Variants in ARHGAP24 observed in about 807,000 individuals in gnomAD.
The protein encoded by ARHGAP24 is Rho GTPase activating protein 24.
Under a neutral mutation model 76.4 loss-of-function variants are expected in ARHGAP24, and 50 were observed. The observed-to-expected ratio is 0.65, with a 90% confidence interval of 0.52 to 0.83. The LOEUF is 0.83. Among genes scored for constraint, ARHGAP24 ranks in the 40% least tolerant of loss-of-function variants. The pLI, the probability that ARHGAP24 is intolerant of heterozygous loss-of-function variation, is 0.00. For synonymous variants in ARHGAP24, 345 were observed against 323.3 expected (o/e 1.07, Z -0.72); for missense variants, 930 against 914.2 (o/e 1.02, Z -0.22).
intron 2 of ARHGAP24, among the ~76,000 whole-genome samples, chr4:85,667,597 C>T (rs942306235): frequency 5.3e-5 from 8 of 152,228 alleles, no homozygotes; most frequent in Admixed American, 1.3e-4. Flanking sequence ...GCGTCGCTCA[C>T]GCTGGGAGCT....
At position 85,881,616 on chromosome 4, in the gene ARHGAP24, A is replaced by G. The variant is rs1049345426; in HGVS notation, c.269-42032A>G. On this transcript the variant is annotated intron_variant, in intron 3 of 9. Coordinates refer to ENST00000395184, the MANE Select transcript of ARHGAP24 (RefSeq NM_001025616.3). Reference sequence around the variant, plus strand: ...GTTAGCGATGCTTGTCATGCTTTCAAATTGTGAAGCATATTTTTGTTATCT... The same window carrying G: ...GTTAGCGATGCTTGTCATGCTTTCAGATTGTGAAGCATATTTTTGTTATCT... Among the ~76,000 whole-genome samples, 9 of 136,410 alleles carry G rather than the reference A, an allele frequency of 6.6e-5. No homozygotes were observed. In the Admixed American group the frequency reaches 7.1e-4, roughly 11 times the overall value. 89.5% of individuals were successfully genotyped at this position (136,410 alleles called of 152,430 possible).
chr4:85,671,375 A>G (rs1009164421), intron 2 of ARHGAP24, among the ~76,000 whole-genome samples: 2 of 152,134 alleles, frequency 1.3e-5, no homozygotes, highest in South Asian at 2.1e-4. Flanking sequence ...TAATTATCAT[A>G]TATTTGTTGG....
intron 3 of ARHGAP24, among the ~76,000 whole-genome samples, chr4:85,857,296 A>C: frequency 6.6e-6 from 1 of 152,216 alleles, no homozygotes; most frequent in Non-Finnish European, 1.5e-5. Flanking sequence ...ATTTATTTAC[A>C]CTTTACAAAC....
At chr4:85,987,004 C>T (rs1740045961) in intron 8 of ARHGAP24, among the ~76,000 whole-genome samples, 1 of 151,976 alleles carries the variant, frequency 6.6e-6, no homozygotes, top group Non-Finnish European at 1.5e-5. Context: ...TGAAACTATT[C>T]GGTATGATGC....
chr4:85,850,019 A>C (rs1731128539), intron 3 of ARHGAP24, among the ~76,000 whole-genome samples: 1 of 152,194 alleles, frequency 6.6e-6, no homozygotes, highest in Non-Finnish European at 1.5e-5. Flanking sequence ...TTTCAGAAGA[A>C]ATGGTACCAG....
At chr4:85,756,866 G>A (rs535483503) in intron 3 of ARHGAP24, among the ~76,000 whole-genome samples, 1 of 152,310 alleles carries the variant, frequency 6.6e-6, no homozygotes, top group South Asian at 2.1e-4. Flanking sequence ...TTAAGACTAG[G>A]ATAGTGGAAG....
intron 3 of ARHGAP24, among the ~76,000 whole-genome samples, chr4:85,860,810 T>C (rs1731849260): frequency 6.6e-6 from 1 of 152,054 alleles, no homozygotes; most frequent in African/African-American, 2.4e-5. Flanking sequence ...TCATCATATT[T>C]TGTGAGCAGG....
intron 2 of ARHGAP24, among the ~76,000 whole-genome samples, chr4:85,698,293 G>T (rs902717222): frequency 5.3e-5 from 8 of 152,198 alleles, no homozygotes; most frequent in Non-Finnish European, 1.5e-5. Context: ...TTCTGTGACT[G>T]TCTGCCTGGG....
Position 85,839,843 on chromosome 4 carries a change from CTTTTTT to C in ARHGAP24, c.269-83786_269-83781del, listed in dbSNP as rs33974767. Among the ~76,000 whole-genome samples, 28 of 105,624 alleles carry C rather than the reference CTTTTTT, an allele frequency of 2.7e-4. No individual in the cohort carries two copies. The South Asian group carries it at 4.1e-3, about 15-fold the overall frequency. The allele number at this position is 105,624 out of a possible 152,430, so 69.3% of individuals were successfully genotyped here. ...CTACCAAGTGTCTTTTTTCTGTTTT[CTTTTTT>C]TTTTTTTTTTTTTTTTTTGAGACAG... On this transcript the variant is annotated intron_variant, in intron 3 of 9. Transcript: ENST00000395184.
At chr4:85,612,792 C>CTTTTTTTTTTTTTTTTTTTTT (rs70948739) in intron 2 of ARHGAP24, among the ~76,000 whole-genome samples, 5 of 82,776 alleles carry the variant, frequency 6.0e-5, no homozygotes, top group Non-Finnish European at 1.1e-4. Context: ...CTTTCCATTC[C>CTTTTTTTTTTTTTTTTTTTTT]TTTTTTTTTT....
chr4:85,889,484 T>C (rs560564768), intron 3 of ARHGAP24, among the ~76,000 whole-genome samples: 1 of 152,368 alleles, frequency 6.6e-6, no homozygotes, highest in South Asian at 2.1e-4. Context: ...TAAGACCTCA[T>C]GGAATTAAAG....
At chr4:85,818,272 G>T (rs1026320111) in intron 3 of ARHGAP24, among the ~76,000 whole-genome samples, 1 of 152,162 alleles carries the variant, frequency 6.6e-6, no homozygotes, top group Non-Finnish European at 1.5e-5. Context: ...CTCAAGGACT[G>T]AGCCCTATCT....
intron 2 of ARHGAP24, among the ~76,000 whole-genome samples, chr4:85,707,488 G>T (rs949300688): frequency 5.9e-5 from 9 of 151,992 alleles, no homozygotes; most frequent in African/African-American, 2.2e-4. Flanking sequence ...TTGATTCTTT[G>T]GTGGTTATAA....
At chr4:85,677,055 A>G (rs1447504806) in intron 2 of ARHGAP24, among the ~76,000 whole-genome samples, 1 of 152,176 alleles carries the variant, frequency 6.6e-6, no homozygotes, top group Admixed American at 6.5e-5. Context: ...CTGGGGGAAA[A>G]CGATTTCGTA....
chr4:85,932,989 C>T (rs888000372), intron 4 of ARHGAP24, among the ~76,000 whole-genome samples: 6 of 152,178 alleles, frequency 3.9e-5, no homozygotes, highest in Non-Finnish European at 5.9e-5. Flanking sequence ...TTACATCTTT[C>T]TTGAAGGTCT....
chr4:85,532,595 G>C (rs1725313248), intron 1 of ARHGAP24, among the ~76,000 whole-genome samples: 2 of 152,046 alleles, frequency 1.3e-5, no homozygotes, highest in Admixed American at 6.6e-5. Flanking sequence ...TATAATATTT[G>C]ATACCAACTA....
At chr4:85,926,435 A>G (rs1352586120) in intron 4 of ARHGAP24, among the ~76,000 whole-genome samples, 1 of 152,176 alleles carries the variant, frequency 6.6e-6, no homozygotes, top group Admixed American at 6.5e-5. Flanking sequence ...ATTTCTCTGA[A>G]TATCAGAGTT....
chr4:85,843,944 T>C (rs1730735107), intron 3 of ARHGAP24, among the ~76,000 whole-genome samples: 1 of 152,130 alleles, frequency 6.6e-6, no homozygotes, highest in Non-Finnish European at 1.5e-5. Context: ...TTTCATTAAG[T>C]GCAGAATAAT....
chr4:85,969,917 A>G (rs781747806), intron 5 of ARHGAP24, among the ~76,000 whole-genome samples: 1 of 152,226 alleles, frequency 6.6e-6, no homozygotes, highest in Non-Finnish European at 1.5e-5. Context: ...GACCTCTTCT[A>G]TAGTGTTTAT....
Sources: gnomAD v4.1 joint callset for allele counts (sites outside exome capture counted in the v4.1 genomes callset) on GRCh38, gnomAD v4.1.1 for gene constraint, MANE v1.5 for transcripts, NCBI Gene and HGNC (gene_info 2026-07-23, HGNC 2026-07-21) for gene names.